The following PSD3 variants were observed in gnomAD, a reference collection of about 807,000 sequenced individuals.
PSD3 encodes PH and SEC7 domain-containing protein 3.
PSD3 carries 49 observed loss-of-function variants against 105.5 expected under a neutral mutation model. The ratio of observed to expected loss-of-function variants is 0.46; its 90% CI spans 0.37 to 0.59. The LOEUF is 0.59. Among genes scored for constraint, PSD3 ranks in the 20% least tolerant of loss-of-function variants. PSD3 has a pLI of 0.00. For missense variants in PSD3, 1,561 were observed against 1,263.8 expected (o/e 1.24, Z -3.57); for synonymous variants, 557 against 457.8 (o/e 1.22, Z -2.77).
chr8:18,768,272 A>G (rs966115778), intron 8 of PSD3, among the ~76,000 whole-genome samples: 6 of 151,100 alleles, frequency 4.0e-5, no homozygotes, highest in African/African-American at 1.2e-4. Flanking sequence ...AGCGACAGAG[A>G]GAGAGTCCAG....
At chr8:19,039,879 A>G (rs7838191) in intron 1 of PSD3, among the ~76,000 whole-genome samples, 11,259 of 152,266 alleles carry the variant, frequency 0.074, 1,384 homozygotes, top group African/African-American at 0.26. Context: ...GAGGCTGACA[A>G]TAAACATCTG....
Position 18,745,980 on chromosome 8 carries a change from A to G in PSD3, c.2172+19469T>C, listed in dbSNP as rs534681246. Among the ~76,000 whole-genome samples the G allele has an allele frequency of 2.0e-5, 3 of 152,348 alleles. No individual in the cohort carries two copies. The South Asian group carries it at 6.2e-4, about 32-fold the overall frequency. The stretch of plus-strand genomic sequence containing the variant: ...TAGAGGCAGACAAATGCCTAGACAG[A>G]CAGACAGAGGCAGGTCCCCTGCAAA... On this transcript the variant is annotated intron_variant, in intron 9 of 15. Coordinates refer to ENST00000327040, the MANE Select transcript of PSD3 (RefSeq NM_015310.4).
chr8:18,879,272 C>T (rs931305144), intron 2 of PSD3, among the ~76,000 whole-genome samples: 1 of 152,038 alleles, frequency 6.6e-6, no homozygotes, highest in African/African-American at 2.4e-5. Flanking sequence ...ACTTGGCAAC[C>T]GGTCAAAGAA....
chr8:18,867,011 G>C (rs140066047), intron 4 of PSD3, among the ~76,000 whole-genome samples: 1 of 151,944 alleles, frequency 6.6e-6, no homozygotes, highest in East Asian at 1.9e-4. Context: ...ATAAATAGTC[G>C]CGGAATCCCC....
chr8:18,642,829 C>G (rs1807750799), intron 10 of PSD3, among the ~76,000 whole-genome samples: 1 of 152,162 alleles, frequency 6.6e-6, no homozygotes, highest in African/African-American at 2.4e-5. Context: ...ATGAAGCAAA[C>G]AATGTATTGT....
intron 4 of PSD3, among the ~76,000 whole-genome samples, chr8:18,817,321 T>C (rs913340686): frequency 3.3e-5 from 5 of 152,200 alleles, no homozygotes; most frequent in Non-Finnish European, 4.4e-5. Flanking sequence ...CCTGTAATTC[T>C]GCAGTACCTC....
rs576351936 is a variant in PSD3, at chr8:18,988,110, A to T, written c.21+25453T>A. 3.2e-3 allele frequency among the ~76,000 whole-genome samples: 387 copies of T among 121,926 alleles called. 2 individuals are homozygous for T. The highest frequency in any genetic ancestry group is 9.7e-3 in the African/African-American group (365 of 37,538). The allele number at this position is 121,926 out of a possible 152,430, so 80.0% of individuals were successfully genotyped here. Reference sequence around the variant, plus strand: ...GAATGTTAGAAAAAATAAATAAATAAATACATATATATATATACACATGAA... The same window carrying T: ...GAATGTTAGAAAAAATAAATAAATATATACATATATATATATACACATGAA... On this transcript the variant is annotated intron_variant, in intron 1 of 15. Coordinates refer to ENST00000327040, the MANE Select transcript of PSD3 (RefSeq NM_015310.4).
chr8:18,677,378 G>C (rs1340406523), intron 9 of PSD3, among the ~76,000 whole-genome samples: 3 of 152,078 alleles, frequency 2.0e-5, no homozygotes, highest in South Asian at 2.1e-4. Context: ...AGGAATTAAA[G>C]ACCAGCCTGG....
At position 18,775,541 on chromosome 8, in the gene PSD3, G is replaced by A. The variant is rs931227257; in HGVS notation, c.2083-10003C>T. ...TTTTTGATAAAAACCATTTTAACTC[G>A]GGTAAAATGATATCTCCTGTGGTTT... On this transcript the variant is annotated intron_variant, in intron 8 of 15. Transcript: ENST00000327040. Among the ~76,000 whole-genome samples the A allele has an allele frequency of 3.3e-5, 5 of 151,964 alleles. No homozygotes were observed. The East Asian group carries it at 5.8e-4, about 18-fold the overall frequency.
chr8:18,768,896 G>T (rs1807254551), intron 8 of PSD3, among the ~76,000 whole-genome samples: 1 of 152,174 alleles, frequency 6.6e-6, no homozygotes, highest in South Asian at 2.1e-4. Flanking sequence ...AAGTGGCTTT[G>T]TCAGCTAACT....
intron 9 of PSD3, among the ~76,000 whole-genome samples, chr8:18,752,064 T>C (rs559676385): frequency 1.5e-4 from 23 of 150,778 alleles, no homozygotes; most frequent in Admixed American, 9.9e-4. Flanking sequence ...GGTGGATGCC[T>C]GTAATCCCAG....
intron 9 of PSD3, among the ~76,000 whole-genome samples, chr8:18,674,620 G>A (rs1029157029): frequency 6.6e-6 from 1 of 152,126 alleles, no homozygotes; most frequent in Non-Finnish European, 1.5e-5. Context: ...GGGGTGGATG[G>A]GGCACAGAAA....
At chr8:18,891,443 C>A (rs1414898555) in intron 2 of PSD3, among the ~76,000 whole-genome samples, 1 of 152,134 alleles carries the variant, frequency 6.6e-6, no homozygotes, top group Admixed American at 6.5e-5. Context: ...GTCTCCTTAT[C>A]TTGCATCTTC....
chr8:18,872,305 G>A lies in PSD3; in HGVS notation c.559C>T (p.Leu187Phe), dbSNP rs748883475. The A allele has an allele frequency of 1.2e-6, 2 of 1,614,182 alleles. No individual in the cohort carries two copies. Among genetic ancestry groups the A allele is most frequent in the South Asian group, 2.2e-5 (2 of 91,076 alleles). ...GGTAAATTTTTTTGGCCAGCAGGGA[G>A]CGTTTTGTTGACTCTCTGTGTTTTA... is the stretch of plus-strand genomic sequence containing the variant. ...SRKTQRVNKT[L>F]PAGQKNLPEI... The change falls in exon 3 of 16, where the codon CTC becomes TTC. Residue 187 changes from leucine (L) to phenylalanine (F), a missense_variant. By Grantham distance (22) the Leu-to-Phe change is conservative (BLOSUM62 0). Transcript: ENST00000327040.
intron 9 of PSD3, among the ~76,000 whole-genome samples, chr8:18,731,113 G>A (rs1380563400): frequency 1.3e-5 from 2 of 151,608 alleles, no homozygotes; most frequent in Non-Finnish European, 2.9e-5. Context: ...AAAATTAGCT[G>A]GACGTGGGGG....
At chr8:18,969,054 G>A (rs1824469274) in intron 1 of PSD3, among the ~76,000 whole-genome samples, 1 of 152,094 alleles carries the variant, frequency 6.6e-6, no homozygotes, top group African/African-American at 2.4e-5. Context: ...GCCTTCCAAA[G>A]TGTCTACTAT....
chr8:18,972,476 C>T (rs1563476865), intron 1 of PSD3, among the ~76,000 whole-genome samples: 4 of 152,174 alleles, frequency 2.6e-5, no homozygotes, highest in South Asian at 2.1e-4. Flanking sequence ...AATCCAACCC[C>T]GGAACAAGTT....
At chr8:18,745,462 G>A (rs1216853827) in intron 9 of PSD3, among the ~76,000 whole-genome samples, 3 of 152,120 alleles carry the variant, frequency 2.0e-5, no homozygotes, top group Admixed American at 6.5e-5. Context: ...GCCATTAGGA[G>A]CTCCTCCAGG....
chr8:18,627,708 C>A (rs1332673067), intron 11 of PSD3, among the ~76,000 whole-genome samples: 1 of 151,822 alleles, frequency 6.6e-6, no homozygotes, highest in Non-Finnish European at 1.5e-5. Flanking sequence ...AGGAGAAAAT[C>A]CAGTGTTTTT....
Sources: allele counts gnomAD v4.1 joint callset (sites outside exome capture counted in the v4.1 genomes callset), GRCh38; gene constraint gnomAD v4.1.1; transcripts MANE v1.5; gene names NCBI Gene and HGNC (gene_info 2026-07-23, HGNC 2026-07-21).